Variants in RBFOX1 observed in about 807,000 individuals in gnomAD.
The protein encoded by RBFOX1 is RNA binding protein fox-1 homolog 1.
In RBFOX1, 8 loss-of-function variants were observed where a neutral mutation model predicts 57.7. The ratio of observed to expected loss-of-function variants is 0.14; its 90% CI spans 0.08 to 0.25. The LOEUF (loss-of-function observed/expected upper bound fraction) is 0.25. Ranked by LOEUF, RBFOX1 falls within the 10% of genes least tolerant of loss-of-function variation. The pLI, the probability that RBFOX1 is intolerant of heterozygous loss-of-function variation, is 1.00. For missense variants in RBFOX1, 611 were observed against 548.5 expected (o/e 1.11, Z -1.14); for synonymous variants, 326 against 222.4 (o/e 1.47, Z -4.15).
At chr16:7,217,675 G>T (rs1290381776) in intron 4 of RBFOX1, among the ~76,000 whole-genome samples, 1 of 152,130 alleles carries the variant, frequency 6.6e-6, no homozygotes, top group Non-Finnish European at 1.5e-5. Context: ...TTAATCATAG[G>T]GGGAAGGATT....
intron 2 of RBFOX1, among the ~76,000 whole-genome samples, chr16:6,436,937 A>G (rs2094252307): frequency 6.6e-6 from 1 of 152,196 alleles, no homozygotes; most frequent in Non-Finnish European, 1.5e-5. Flanking sequence ...GTCGATGGGC[A>G]TAGACATACT....
intron 10 of RBFOX1, among the ~76,000 whole-genome samples, chr16:7,618,637 T>C (rs1242402749): frequency 6.6e-6 from 1 of 152,208 alleles, no homozygotes. Context: ...TTATTGTTCT[T>C]ATTTCCCCAA....
chr16:6,986,479 G>C (rs568562554), intron 3 of RBFOX1, among the ~76,000 whole-genome samples: 2 of 152,230 alleles, frequency 1.3e-5, no homozygotes, highest in Non-Finnish European at 2.9e-5. Flanking sequence ...TATTACAGGC[G>C]TGAGCCACCA....
chr16:7,649,178 C>G (rs1471057538), intron 11 of RBFOX1, among the ~76,000 whole-genome samples: 1 of 151,986 alleles, frequency 6.6e-6, no homozygotes, highest in Non-Finnish European at 1.5e-5. Flanking sequence ...AGAGGAGGAG[C>G]ATGTCCACCC....
chr16:5,411,270 G>C (rs2067014457), intron 1 of RBFOX1, among the ~76,000 whole-genome samples: 1 of 152,188 alleles, frequency 6.6e-6, no homozygotes, highest in Non-Finnish European at 1.5e-5. Context: ...TTTGAGATGG[G>C]AGGTCATCCT....
At chr16:5,943,712 T>A (rs1220139533) in intron 4 of RBFOX1, among the ~76,000 whole-genome samples, 1 of 152,204 alleles carries the variant, frequency 6.6e-6, no homozygotes, top group Non-Finnish European at 1.5e-5. Flanking sequence ...AGAGGCTGAA[T>A]GTATCAACAG....
chr16:7,498,778 G>A (rs1052238476), intron 4 of RBFOX1, among the ~76,000 whole-genome samples: 1 of 152,134 alleles, frequency 6.6e-6, no homozygotes, highest in Non-Finnish European at 1.5e-5. Flanking sequence ...AAACTACAAT[G>A]CTTAAGCTGA....
intron 5 of RBFOX1, among the ~76,000 whole-genome samples, chr16:7,569,780 A>G (rs914812556): frequency 2.0e-5 from 3 of 152,146 alleles, no homozygotes; most frequent in African/African-American, 7.2e-5. Context: ...AGGCAGAAGG[A>G]TATCTTGAGC....
At chr16:6,214,150 G>C (rs1272461603) in intron 1 of RBFOX1, among the ~76,000 whole-genome samples, 1 of 152,196 alleles carries the variant, frequency 6.6e-6, no homozygotes, top group African/African-American at 2.4e-5. Flanking sequence ...TTGTCATTGA[G>C]ACGTTGCATG....
intron 5 of RBFOX1, among the ~76,000 whole-genome samples, chr16:7,520,042 T>A (rs1183143605): frequency 6.6e-6 from 1 of 152,098 alleles, no homozygotes; most frequent in Admixed American, 6.5e-5. Context: ...CCCGCCACCA[T>A]GTCCGGCTAA....
rs147671405 is a variant in RBFOX1, at chr16:7,274,052, A to T, written c.27+221954A>T. On this transcript the variant is annotated intron_variant, in intron 4 of 15. Transcript: ENST00000550418. ...CACTTAGATATTTGAAATGACACAAAGTACTAGAGAAAACATAAGTGTGGA... is the reference window on the plus strand; with the variant it reads ...CACTTAGATATTTGAAATGACACAATGTACTAGAGAAAACATAAGTGTGGA... Among the ~76,000 whole-genome samples the T allele has an allele frequency of 3.0e-4, 46 of 152,346 alleles. No individual in the cohort carries two copies. The East Asian group carries it at 7.1e-3, about 24-fold the overall frequency.
intron 3 of RBFOX1, among the ~76,000 whole-genome samples, chr16:5,704,738 A>T (rs1004016557): frequency 6.6e-6 from 1 of 152,130 alleles, no homozygotes; most frequent in Non-Finnish European, 1.5e-5. Flanking sequence ...AGGACCCCTC[A>T]ACTCCATCCT....
At chr16:6,936,149 C>T (rs1419664064) in intron 3 of RBFOX1, among the ~76,000 whole-genome samples, 2 of 152,090 alleles carry the variant, frequency 1.3e-5, no homozygotes, top group Non-Finnish European at 2.9e-5. Flanking sequence ...GGATGCTGGT[C>T]TTAATTTGGT....
chr16:5,902,436 T>C (rs185925878), intron 4 of RBFOX1, among the ~76,000 whole-genome samples: 77 of 152,230 alleles, frequency 5.1e-4, no homozygotes, highest in Admixed American at 1.8e-3. Flanking sequence ...ATTTTTGAGA[T>C]GGAGTCTTGC....
chr16:6,988,470 C>T (rs553149187), intron 3 of RBFOX1, among the ~76,000 whole-genome samples: 2 of 152,098 alleles, frequency 1.3e-5, no homozygotes, highest in East Asian at 3.9e-4. Flanking sequence ...AAGTCGATTG[C>T]CTGTTGTGAT....
intron 7 of RBFOX1, among the ~76,000 whole-genome samples, chr16:7,594,529 A>G (rs891685357): frequency 7.2e-5 from 11 of 152,340 alleles, no homozygotes; most frequent in Admixed American, 3.3e-4. Flanking sequence ...CTTAGGAACA[A>G]TGTCAGTGAA....
intron 1 of RBFOX1, among the ~76,000 whole-genome samples, chr16:5,272,572 A>G (rs182641579): frequency 2.0e-4 from 31 of 152,252 alleles, no homozygotes; most frequent in African/African-American, 6.5e-4. Context: ...GCCTCTACCG[A>G]TACCCCACTG....
intron 3 of RBFOX1, among the ~76,000 whole-genome samples, chr16:7,045,564 C>A (rs1405356837): frequency 6.6e-6 from 1 of 152,148 alleles, no homozygotes; most frequent in Non-Finnish European, 1.5e-5. Flanking sequence ...CCCCTGGTTC[C>A]TTCAGTGTCG....
intron 1 of RBFOX1, among the ~76,000 whole-genome samples, chr16:5,343,352 T>C (rs993955579): frequency 6.9e-6 from 1 of 144,600 alleles, no homozygotes; most frequent in Non-Finnish European, 1.5e-5. Flanking sequence ...TCTTACTCCA[T>C]TGCCCAGGCT....
Sources: gnomAD v4.1 joint callset for allele counts (sites outside exome capture counted in the v4.1 genomes callset) on GRCh38, gnomAD v4.1.1 for gene constraint, MANE v1.5 for transcripts, NCBI Gene and HGNC (gene_info 2026-07-23, HGNC 2026-07-21) for gene names.